The following PRKD3 variants were observed in gnomAD, a reference collection of about 807,000 sequenced individuals.
PRKD3 encodes serine/threonine-protein kinase D3.
PRKD3 carries 47 observed loss-of-function variants against 99.2 expected under a neutral mutation model. The observed-to-expected ratio is 0.47, with a 90% CI of 0.38 to 0.60. The LOEUF (loss-of-function observed/expected upper bound fraction) is 0.60. Ranked by LOEUF, PRKD3 falls within the 20% of genes least tolerant of loss-of-function variation. The probability of loss-of-function intolerance (pLI) is 0.00; values close to 1 mark genes in which losing one functional copy is unlikely to be tolerated. For missense variants in PRKD3, 1,019 were observed against 1,088.4 expected, an observed-to-expected ratio of 0.94 and a Z score of 0.90; for synonymous variants, 392 against 355.4, an observed-to-expected ratio of 1.10 and a Z score of -1.16.
chr2:37,292,924 G>A (rs1670502849), intron 3 of PRKD3: 2 of 420,248 alleles, frequency 4.8e-6, no homozygotes, highest in East Asian at 3.9e-5. Flanking sequence ...GGGCTTACAG[G>A]TGTGAGCCAC....
intron 3 of PRKD3, among the ~76,000 whole-genome samples, chr2:37,292,619 T>C (rs1315356216): frequency 3.3e-5 from 5 of 152,092 alleles, no homozygotes; most frequent in Non-Finnish European, 2.9e-5. Context: ...GTGCTGGGAT[T>C]ACAGGCGTGA....
At chr2:37,265,195 A>T (rs1668755353) in intron 14 of PRKD3, among the ~76,000 whole-genome samples, 1 of 152,130 alleles carries the variant, frequency 6.6e-6, no homozygotes, top group Non-Finnish European at 1.5e-5. Context: ...AAAGATGGAA[A>T]AGGAAAGATG....
At chr2:37,317,252 CTT>C (rs1315345948) in intron 1 of PRKD3, 73 bp from the exon 2 acceptor site, 1 of 706,694 alleles carries the variant, frequency 1.4e-6, no homozygotes, top group African/African-American at 1.9e-5. Flanking sequence ...AAGAACATAA[CTT>C]TTTTAAATGA....
At chr2:37,254,179 AAAG>A in intron 18 of PRKD3, 22 bp downstream of exon 18, 1 of 1,552,588 alleles carries the variant, frequency 6.4e-7, no homozygotes, top group Non-Finnish European at 8.9e-7. Context: ...GAGGATTGCC[AAAG>A]AGAGATTACA....
At chr2:37,258,362 T>A (rs1156899838) in intron 16 of PRKD3, among the ~76,000 whole-genome samples, 2 of 152,212 alleles carry the variant, frequency 1.3e-5, no homozygotes, top group Non-Finnish European at 2.9e-5. Context: ...TACAAACTCT[T>A]TTTTTGTTGT....
chr2:37,310,896 C>G (rs1228022053), intron 2 of PRKD3, among the ~76,000 whole-genome samples: 1 of 152,208 alleles, frequency 6.6e-6, no homozygotes, highest in Non-Finnish European at 1.5e-5. Flanking sequence ...TTTCTGTCAC[C>G]TGCTCATTGC....
At chr2:37,287,230 C>CAAAAAAAAA (rs754092348) in intron 5 of PRKD3, among the ~76,000 whole-genome samples, 8 of 53,654 alleles carry the variant, frequency 1.5e-4, no homozygotes, top group African/African-American at 1.9e-4. Flanking sequence ...AACTCCATCT[C>CAAAAAAAAA]AAAAAAAAAA....
intron 15 of PRKD3, 121 bp downstream of exon 15, chr2:37,260,102 T>G: frequency 2.4e-6 from 2 of 835,400 alleles, no homozygotes. Context: ...GAGGCAGAGG[T>G]TGCAGTGAGC....
At chr2:37,282,819 G>A (rs1326361676) in intron 6 of PRKD3, among the ~76,000 whole-genome samples, 200 bp from the exon 7 acceptor site, 1 of 152,044 alleles carries the variant, frequency 6.6e-6, no homozygotes, top group East Asian at 1.9e-4. Flanking sequence ...CTAATACCAT[G>A]TGTACAACAC....
In PRKD3 at chr2:37,274,437, C is replaced by T. The variant is rs754363886; in HGVS notation, c.1635G>A (p.Gly545=). 56 of 1,613,984 alleles carry T rather than the reference C, an allele frequency of 3.5e-5. No homozygotes were observed. Among genetic ancestry groups the T allele is most frequent in the Non-Finnish European group, 4.7e-5 (55 of 1,179,996 alleles). Residue 545 remains glycine, a synonymous_variant, in exon 11 of 19, where the codon GGG becomes GGA. Coordinates refer to ENST00000234179, the MANE Select transcript of PRKD3 (RefSeq NM_005813.6). ...TPQASVCTSP[G]QGKDHKDLST... ...ATTGCTTACTGTGATCTTTCCCTTG[C>T]CCTGGAGAAGTGCAAACACTTGCTT...
chr2:37,299,621 T>C (rs535159248), intron 2 of PRKD3, among the ~76,000 whole-genome samples: 17 of 150,722 alleles, frequency 1.1e-4, no homozygotes, highest in South Asian at 2.1e-4. Context: ...GAGAAAATAT[T>C]TGCAAACTAT....
intron 16 of PRKD3, among the ~76,000 whole-genome samples, chr2:37,257,671 GAAAAAAAAAAAA>G (rs1164110574): frequency 2.5e-4 from 7 of 28,540 alleles, no homozygotes; most frequent in Non-Finnish European, 2.9e-4. Context: ...TGTCTCAAAA[GAAAAAAAAAAAA>G]AAAAAAAAAA....
At chr2:37,287,094 G>A (rs1157110969) in intron 5 of PRKD3, among the ~76,000 whole-genome samples, 2 of 151,788 alleles carry the variant, frequency 1.3e-5, no homozygotes, top group East Asian at 3.9e-4. Flanking sequence ...GCCAGGCGTG[G>A]GGGTGCATGC....
At chr2:37,295,650 G>A (rs1030779356) in intron 2 of PRKD3, among the ~76,000 whole-genome samples, 7 of 152,144 alleles carry the variant, frequency 4.6e-5, no homozygotes, top group African/African-American at 1.7e-4. Flanking sequence ...TAAAATGGAG[G>A]ACAATAGGAG....
chr2:37,284,965 T>C (rs984858364), intron 6 of PRKD3, among the ~76,000 whole-genome samples: 6 of 152,180 alleles, frequency 3.9e-5, no homozygotes, highest in Admixed American at 3.9e-4. Context: ...TATTTTCTTA[T>C]ATGCTTAAGC....
chr2:37,304,310 G>C (rs1259574761), intron 2 of PRKD3, among the ~76,000 whole-genome samples: 1 of 151,972 alleles, frequency 6.6e-6, no homozygotes, highest in African/African-American at 2.4e-5. Flanking sequence ...TATTTAATTG[G>C]AGAGAAGCAG....
At chr2:37,254,375 A>T (rs572087598) in intron 17 of PRKD3, 86 bp from the exon 18 acceptor site, 8 of 975,042 alleles carry the variant, frequency 8.2e-6, no homozygotes, top group Admixed American at 1.8e-5. Context: ...AGTTCAACCC[A>T]TAGAAATACA....
chr2:37,283,781 G>C (rs1464348393), intron 6 of PRKD3, among the ~76,000 whole-genome samples: 1 of 151,320 alleles, frequency 6.6e-6, no homozygotes, highest in Non-Finnish European at 1.5e-5. Flanking sequence ...GAAGCCAGGA[G>C]TTTGACACCA....
At chr2:37,307,655 A>T (rs1324280306) in intron 2 of PRKD3, among the ~76,000 whole-genome samples, 1 of 152,232 alleles carries the variant, frequency 6.6e-6, no homozygotes, top group African/African-American at 2.4e-5. Context: ...AGCATCAATC[A>T]ATGTATCATA....
Sources: allele counts gnomAD v4.1 joint callset (sites outside exome capture counted in the v4.1 genomes callset), GRCh38; gene constraint gnomAD v4.1.1; transcripts MANE v1.5; gene names NCBI Gene and HGNC (gene_info 2026-07-23, HGNC 2026-07-21).